The following FREM3 variants were observed in gnomAD, a reference collection of about 807,000 sequenced individuals.
FREM3 encodes FRAS1-related extracellular matrix protein 3.
Under a neutral mutation model 129.1 loss-of-function variants are expected in FREM3, and 105 were observed. The observed-to-expected ratio is 0.81, with a 90% CI of 0.69 to 0.96. FREM3 has a LOEUF of 0.96. Ranked by LOEUF, FREM3 falls within the 40% of genes least tolerant of loss-of-function variation. The pLI is 0.00. For synonymous variants in FREM3, 1,014 were observed against 1,044.9 expected, an observed-to-expected ratio of 0.97 and a Z score of 0.57; for missense variants, 2,593 against 2,666.3, an observed-to-expected ratio of 0.97 and a Z score of 0.61.
intron 2 of FREM3, among the ~76,000 whole-genome samples, chr4:143,633,729 A>T (rs1739182010): frequency 6.6e-6 from 1 of 152,188 alleles, no homozygotes. Flanking sequence ...TGGAATGCAT[A>T]AATCAATTAC....
At chr4:143,662,779 T>C (rs367634219) in intron 2 of FREM3, among the ~76,000 whole-genome samples, 59 of 151,880 alleles carry the variant, frequency 3.9e-4, no homozygotes, top group Admixed American at 7.2e-4. Flanking sequence ...GTATTGGGTG[T>C]ATATATATTT....
intron 5 of FREM3, among the ~76,000 whole-genome samples, chr4:143,613,855 C>T (rs2149839735): frequency 6.6e-6 from 1 of 152,338 alleles, no homozygotes. Flanking sequence ...TAGTAACTAA[C>T]ACTATCTTCA....
chr4:143,582,252 C>T (rs1738159799), intron 7 of FREM3, among the ~76,000 whole-genome samples: 1 of 152,160 alleles, frequency 6.6e-6, no homozygotes, highest in Non-Finnish European at 1.5e-5. Context: ...GCAGCCAGCA[C>T]TCAGGTAAGA....
At chr4:143,636,333 C>CAAAA (rs35792262) in intron 2 of FREM3, among the ~76,000 whole-genome samples, 5 of 81,466 alleles carry the variant, frequency 6.1e-5, no homozygotes, top group Admixed American at 1.4e-4. Context: ...GCAGCCTGTC[C>CAAAA]AAAAAAAAAA....
At chr4:143,648,325 G>A (rs1739455558) in intron 2 of FREM3, among the ~76,000 whole-genome samples, 1 of 152,202 alleles carries the variant, frequency 6.6e-6, no homozygotes, top group South Asian at 2.1e-4. Flanking sequence ...GGACTTTTGG[G>A]TTAATTCTGG....
chr4:143,582,802 T>C (rs1738170166), intron 7 of FREM3, among the ~76,000 whole-genome samples: 1 of 151,674 alleles, frequency 6.6e-6, no homozygotes, highest in Non-Finnish European at 1.5e-5. Flanking sequence ...AAAGATGAAA[T>C]GAAGAAAGAA....
intron 2 of FREM3, among the ~76,000 whole-genome samples, chr4:143,639,733 A>G (rs1187317185): frequency 2.0e-5 from 3 of 152,194 alleles, no homozygotes; most frequent in Non-Finnish European, 4.4e-5. Context: ...TGGCAAATCT[A>G]GAGGTGTAAT....
intron 2 of FREM3, among the ~76,000 whole-genome samples, chr4:143,642,904 T>TA (rs1208016806): frequency 1.3e-5 from 2 of 151,996 alleles, no homozygotes; most frequent in Non-Finnish European, 2.9e-5. Context: ...ATAAGGAACC[T>TA]AACAGCAAAA....
At chr4:143,616,877 A>G (rs1006280151) in intron 5 of FREM3, among the ~76,000 whole-genome samples, 16 of 152,096 alleles carry the variant, frequency 1.1e-4, no homozygotes, top group African/African-American at 3.9e-4. Flanking sequence ...ATCCAATCGG[A>G]GAAGTGGGGC....
chr4:143,597,519 T>G (rs1277598628), intron 6 of FREM3, among the ~76,000 whole-genome samples: 1 of 152,232 alleles, frequency 6.6e-6, no homozygotes, highest in African/African-American at 2.4e-5. Context: ...GCTCTGCTCT[T>G]CTTTCTCAGA....
intron 2 of FREM3, among the ~76,000 whole-genome samples, chr4:143,661,013 A>G (rs1739706731): frequency 6.6e-6 from 1 of 152,194 alleles, no homozygotes; most frequent in South Asian, 2.1e-4. Context: ...CTAGATATAC[A>G]ATCATGTCAT....
At chr4:143,593,081 C>G (rs941752313) in intron 6 of FREM3, among the ~76,000 whole-genome samples, 1 of 152,220 alleles carries the variant, frequency 6.6e-6, no homozygotes, top group Admixed American at 6.5e-5. Flanking sequence ...TGGTTTTCAG[C>G]TCCATCAGGT....
intron 2 of FREM3, among the ~76,000 whole-genome samples, chr4:143,675,736 A>G (rs1333506004): frequency 6.6e-6 from 1 of 152,226 alleles, no homozygotes; most frequent in Non-Finnish European, 1.5e-5. Context: ...AGAAATACAA[A>G]CTACCATCAG....
At chr4:143,655,492 C>T (rs886856356) in intron 2 of FREM3, among the ~76,000 whole-genome samples, 2 of 152,162 alleles carry the variant, frequency 1.3e-5, no homozygotes, top group African/African-American at 2.4e-5. Context: ...AGAGAGTACC[C>T]TCTCATGAAT....
chr4:143,659,749 T>C (rs1739671621), intron 2 of FREM3, among the ~76,000 whole-genome samples: 1 of 151,212 alleles, frequency 6.6e-6, no homozygotes, highest in Admixed American at 6.6e-5. Flanking sequence ...ACCTGTTGTC[T>C]CCTGACTTTT....
intron 2 of FREM3, among the ~76,000 whole-genome samples, chr4:143,666,955 T>C (rs542362713): frequency 1.8e-4 from 28 of 152,096 alleles, no homozygotes; most frequent in Non-Finnish European, 3.1e-4. Flanking sequence ...AATGGGCAAA[T>C]TGTATGGTAT....
intron 6 of FREM3, among the ~76,000 whole-genome samples, chr4:143,587,791 T>G (rs1325775918): frequency 6.6e-6 from 1 of 152,188 alleles, no homozygotes; most frequent in African/African-American, 2.4e-5. Context: ...GTTGGGTATC[T>G]CTTATCTGCA....
chr4:143,598,458 T>C (rs1052779092), intron 6 of FREM3, among the ~76,000 whole-genome samples: 1 of 152,184 alleles, frequency 6.6e-6, no homozygotes, highest in Non-Finnish European at 1.5e-5. Flanking sequence ...TGGACATCTA[T>C]AGTATGTGAG....
chr4:143,677,163 C>A (rs1740151018), intron 2 of FREM3, among the ~76,000 whole-genome samples: 1 of 152,072 alleles, frequency 6.6e-6, no homozygotes, highest in African/African-American at 2.4e-5. Context: ...CTACAGTAGC[C>A]AAAACAGCAT....
Sources: gnomAD v4.1 joint callset for allele counts (sites outside exome capture counted in the v4.1 genomes callset) on GRCh38, gnomAD v4.1.1 for gene constraint, MANE v1.5 for transcripts, NCBI Gene and HGNC (gene_info 2026-07-23, HGNC 2026-07-21) for gene names.